Variants in DOCK1 observed in about 807,000 individuals in gnomAD.
The protein encoded by DOCK1 is dedicator of cytokinesis protein 1.
In DOCK1, 138 loss-of-function variants were observed where a neutral mutation model predicts 262.7. The observed-to-expected ratio is 0.53, with a 90% CI of 0.46 to 0.61. The LOEUF (loss-of-function observed/expected upper bound fraction) is 0.61. DOCK1 is among the 20% of genes least tolerant of loss of function. The pLI is 0.00. For synonymous variants in DOCK1, 866 were observed against 867.4 expected (o/e 1.00, Z 0.03); for missense variants, 1,908 against 2,370.7 (o/e 0.80, Z 4.05).
At chr10:127,033,669 G>C (rs1174641727) in intron 18 of DOCK1, among the ~76,000 whole-genome samples, 1 of 152,142 alleles carries the variant, frequency 6.6e-6, no homozygotes, top group Non-Finnish European at 1.5e-5. Context: ...AGTAGTTTTG[G>C]ATTTGCCCAA....
intron 11 of DOCK1, among the ~76,000 whole-genome samples, chr10:127,011,890 A>G (rs1441562891): frequency 6.6e-5 from 10 of 152,002 alleles, no homozygotes. Context: ...GGCCATAAAC[A>G]TTCTTTGGGA....
At chr10:127,343,128 C>A (rs948230598) in intron 30 of DOCK1, among the ~76,000 whole-genome samples, 6 of 152,166 alleles carry the variant, frequency 3.9e-5, no homozygotes, top group African/African-American at 1.2e-4. Context: ...ACCTGTAGTC[C>A]CAGCTACTCA....
chr10:127,160,805 C>G (rs929258518), intron 27 of DOCK1, among the ~76,000 whole-genome samples: 3 of 152,168 alleles, frequency 2.0e-5, no homozygotes, highest in African/African-American at 4.8e-5. Context: ...TAAGTTTGAT[C>G]TCTCTTGTTC....
chr10:127,200,911 G>A (rs765497902), intron 27 of DOCK1, among the ~76,000 whole-genome samples: 3 of 152,136 alleles, frequency 2.0e-5, no homozygotes, highest in Non-Finnish European at 4.4e-5. Context: ...AAATGGAGTC[G>A]CTGTGGTTCG....
chr10:127,249,220 G>A (rs1198513732), intron 28 of DOCK1, among the ~76,000 whole-genome samples: 3 of 151,662 alleles, frequency 2.0e-5, no homozygotes, highest in Admixed American at 2.0e-4. Flanking sequence ...TTTTTCAAAG[G>A]ATTATTTCTA....
intron 29 of DOCK1, among the ~76,000 whole-genome samples, chr10:127,281,213 G>A (rs1010427604): frequency 6.6e-5 from 10 of 152,120 alleles, no homozygotes; most frequent in African/African-American, 1.4e-4. Flanking sequence ...CATAAAGCTC[G>A]GGCTTTCCTA....
chr10:127,029,221 T>C (rs960010114), intron 16 of DOCK1, among the ~76,000 whole-genome samples: 1 of 152,202 alleles, frequency 6.6e-6, no homozygotes, highest in East Asian at 1.9e-4. Context: ...GCAGGTGCGA[T>C]GCCGATGAAA....
chr10:127,377,535 C>T (rs528006397), intron 35 of DOCK1, among the ~76,000 whole-genome samples: 2 of 152,116 alleles, frequency 1.3e-5, no homozygotes, highest in African/African-American at 2.4e-5. Context: ...TGGTTTCTTA[C>T]AAAACACAGT....
At chr10:127,424,326 A>C (rs2068688799) in intron 46 of DOCK1, among the ~76,000 whole-genome samples, 1 of 152,126 alleles carries the variant, frequency 6.6e-6, no homozygotes, top group African/African-American at 2.4e-5. Flanking sequence ...AAAGGTCTTA[A>C]CTCTCATCTG....
chr10:126,997,844 T>C (rs547702977), intron 7 of DOCK1: 21 of 486,102 alleles, frequency 4.3e-5, no homozygotes, highest in African/African-American at 4.0e-4. Context: ...ATTTATTGGA[T>C]GGACACCTGA....
At chr10:127,431,921 G>A (rs574728548) in intron 47 of DOCK1, among the ~76,000 whole-genome samples, 60 of 152,260 alleles carry the variant, frequency 3.9e-4, no homozygotes, top group East Asian at 9.7e-4. Context: ...GGAGGTGAGC[G>A]GCGGGTGAGG....
At chr10:127,093,091 G>A (rs1167636005) in intron 23 of DOCK1, among the ~76,000 whole-genome samples, 1 of 152,024 alleles carries the variant, frequency 6.6e-6, no homozygotes, top group Admixed American at 6.5e-5. Flanking sequence ...CAGCGTCCAG[G>A]GCTGCTGGCA....
chr10:127,262,355 T>C (rs1388681076), intron 29 of DOCK1, among the ~76,000 whole-genome samples: 3 of 152,120 alleles, frequency 2.0e-5, no homozygotes, highest in Non-Finnish European at 4.4e-5. Flanking sequence ...TCTCAGAAGC[T>C]CAAACAAACC....
At chr10:127,316,789 T>G in intron 29 of DOCK1, among the ~76,000 whole-genome samples, 1 of 152,056 alleles carries the variant, frequency 6.6e-6, no homozygotes. Context: ...CCTGTCAGCC[T>G]CCCCTTGCTG....
chr10:127,386,254 A>G (rs7089471), intron 38 of DOCK1, among the ~76,000 whole-genome samples: 114,361 of 151,496 alleles, frequency 0.75, 43,352 homozygotes, highest in African/African-American at 0.84. Flanking sequence ...GTGGGCTCCC[A>G]AAGGCTGGTT....
In DOCK1 at chr10:127,451,561, A is replaced by G. The variant is rs143102847; in HGVS notation, c.*134A>G. Reference sequence around the variant, plus strand: ...ATTTCGTGCGACTGCTTTTTCTTCAAAGGAGTTCAGTTCTCACCATGGAGT... The same window carrying G: ...ATTTCGTGCGACTGCTTTTTCTTCAGAGGAGTTCAGTTCTCACCATGGAGT... On this transcript the variant is annotated 3_prime_UTR_variant, in exon 52 of 52. Coordinates refer to ENST00000623213, the MANE Select transcript of DOCK1 (RefSeq NM_001290223.2). The G allele has an allele frequency of 4.4e-4, 657 of 1,506,118 alleles. 1 individual carries two copies. The highest frequency in any genetic ancestry group is 1.2e-3 in the South Asian group (99 of 80,718). 93.3% of individuals were successfully genotyped at this position (1,506,118 alleles called of 1,614,324 possible).
In DOCK1 at chr10:127,234,991, A is replaced by G. The variant is rs563753816; in HGVS notation, c.2848-13017A>G. Among the ~76,000 whole-genome samples the G allele has an allele frequency of 1.3e-4, 10 of 79,294 alleles. No homozygotes were observed. In the East Asian group the frequency reaches 2.3e-3, roughly 18 times the overall value. The allele number at this position is 79,294 out of a possible 152,430, so 52.0% of individuals were successfully genotyped here. On this transcript the variant is annotated intron_variant, in intron 27 of 51. Transcript: ENST00000623213. ...TAAATAATATATGTACATTTTATAC[A>G]TATATAATAAATACATATAAGTATA...
At chr10:127,112,239 C>T (rs556996135) in intron 25 of DOCK1, among the ~76,000 whole-genome samples, 16 of 152,130 alleles carry the variant, frequency 1.1e-4, no homozygotes, top group Admixed American at 5.2e-4. Context: ...CTCAAACTAC[C>T]GACCTCAAAT....
chr10:127,034,210 A>G (rs1291600991), intron 18 of DOCK1, among the ~76,000 whole-genome samples: 1 of 152,170 alleles, frequency 6.6e-6, no homozygotes, highest in Non-Finnish European at 1.5e-5. Context: ...TTTAATGTAC[A>G]GTTCTGTGTG....
Sources: allele counts gnomAD v4.1 joint callset (sites outside exome capture counted in the v4.1 genomes callset), GRCh38; gene constraint gnomAD v4.1.1; transcripts MANE v1.5; gene names NCBI Gene and HGNC (gene_info 2026-07-23, HGNC 2026-07-21).